Variants in VWC2L observed in about 807,000 individuals in gnomAD.
VWC2L encodes von Willebrand factor C domain containing 2 like, also known as von Willebrand factor C domain-containing protein 2-like.
In VWC2L, 10 loss-of-function variants were observed where a neutral mutation model predicts 21.6. That is an observed-to-expected ratio of 0.46 (90% CI 0.29 to 0.78). The LOEUF (loss-of-function observed/expected upper bound fraction) is 0.78, where lower values mean the gene tolerates loss of function less well. VWC2L is among the 30% of genes least tolerant of loss of function. VWC2L has a pLI of 0.10. For missense variants in VWC2L, 209 were observed against 277.1 expected, an observed-to-expected ratio of 0.75 and a Z score of 1.74; for synonymous variants, 96 against 94.3, an observed-to-expected ratio of 1.02 and a Z score of -0.10.
chr2:214,507,668 C>T (rs1038060876), intron 3 of VWC2L, among the ~76,000 whole-genome samples: 4 of 152,158 alleles, frequency 2.6e-5, no homozygotes, highest in Non-Finnish European at 5.9e-5. Flanking sequence ...CTTAATTAGT[C>T]ATGTGATGTT....
intron 3 of VWC2L, among the ~76,000 whole-genome samples, chr2:214,566,530 A>G (rs959209733): frequency 6.6e-6 from 1 of 152,216 alleles, no homozygotes; most frequent in Non-Finnish European, 1.5e-5. Context: ...CCTTTAAGGC[A>G]GCCTTAGAGA....
intron 3 of VWC2L, among the ~76,000 whole-genome samples, chr2:214,549,319 AT>A (rs1048364315): frequency 2.6e-5 from 4 of 152,214 alleles, no homozygotes; most frequent in Admixed American, 6.5e-5. Flanking sequence ...TTAGGAGGCC[AT>A]TTTTCAGCCT....
chr2:214,555,866 T>C (rs1689865014), intron 3 of VWC2L, among the ~76,000 whole-genome samples: 2 of 152,208 alleles, frequency 1.3e-5, no homozygotes, highest in South Asian at 4.1e-4. Flanking sequence ...ATTCTCATCA[T>C]ATAAAATCTC....
At chr2:214,424,768 C>T (rs2126173633) in intron 2 of VWC2L, among the ~76,000 whole-genome samples, 1 of 152,214 alleles carries the variant, frequency 6.6e-6, no homozygotes, top group Non-Finnish European at 1.5e-5. Context: ...ATTCCTTTGA[C>T]TTTTATGAGC....
intron 3 of VWC2L, among the ~76,000 whole-genome samples, chr2:214,518,664 T>C (rs1414300198): frequency 6.6e-6 from 1 of 152,200 alleles, no homozygotes; most frequent in African/African-American, 2.4e-5. Flanking sequence ...TACCTCACAG[T>C]AGAAAATGAT....
At chr2:214,491,827 T>A (rs1219868569) in intron 3 of VWC2L, among the ~76,000 whole-genome samples, 1 of 152,088 alleles carries the variant, frequency 6.6e-6, no homozygotes, top group Non-Finnish European at 1.5e-5. Context: ...AAAAAAAAAA[T>A]TACTTCTCAA....
chr2:214,445,789 A>G (rs1236361888), intron 3 of VWC2L, among the ~76,000 whole-genome samples: 1 of 152,060 alleles, frequency 6.6e-6, no homozygotes, highest in African/African-American at 2.4e-5. Context: ...TTTATAACCA[A>G]GATGATATAA....
Position 214,561,545 on chromosome 2 carries a change from A to T in VWC2L, c.521-14127A>T, listed in dbSNP as rs541207583. Among the ~76,000 whole-genome samples the T allele has an allele frequency of 5.8e-4, 89 of 152,142 alleles. 2 individuals carry two copies. In the South Asian group the frequency reaches 0.018, roughly 31 times the overall value. On this transcript the variant is annotated intron_variant, in intron 3 of 3. Coordinates refer to ENST00000312504, the MANE Select transcript of VWC2L (RefSeq NM_001080500.4). ...AATTTCAGCACTTTGGGAAGCTGAG[A>T]TGGGCCAATTGCTCGAATCCAGGAG...
At chr2:214,544,652 G>A (rs573576955) in intron 3 of VWC2L, among the ~76,000 whole-genome samples, 8 of 152,100 alleles carry the variant, frequency 5.3e-5, no homozygotes, top group Admixed American at 1.3e-4. Flanking sequence ...GTTTTGAAAT[G>A]AGCCTTGGGA....
chr2:214,521,325 C>T (rs553378844), intron 3 of VWC2L, among the ~76,000 whole-genome samples: 2 of 152,202 alleles, frequency 1.3e-5, no homozygotes, highest in African/African-American at 4.8e-5. Flanking sequence ...CATGCAGCAT[C>T]TCATTTAATC....
intron 3 of VWC2L, among the ~76,000 whole-genome samples, chr2:214,572,327 C>A (rs1362372604): frequency 6.6e-6 from 1 of 152,180 alleles, no homozygotes; most frequent in Non-Finnish European, 1.5e-5. Context: ...CCTCCATCTT[C>A]TCTTTCTAGA....
At chr2:214,530,875 C>T (rs953143912) in intron 3 of VWC2L, among the ~76,000 whole-genome samples, 4 of 152,184 alleles carry the variant, frequency 2.6e-5, no homozygotes, top group African/African-American at 9.7e-5. Context: ...TAAACCATTG[C>T]TTAAACAGCA....
chr2:214,565,910 A>G (rs886140047), intron 3 of VWC2L, among the ~76,000 whole-genome samples: 1 of 152,138 alleles, frequency 6.6e-6, no homozygotes, highest in Non-Finnish European at 1.5e-5. Context: ...AGTAAATGGT[A>G]GGAGTAGAAC....
rs1379073011 is a variant in VWC2L, at chr2:214,495,694, T to C, written c.520+58936T>C. On this transcript the variant is annotated intron_variant, in intron 3 of 3. Coordinates refer to ENST00000312504, the MANE Select transcript of VWC2L (RefSeq NM_001080500.4). ...AACAGAGCTGTTCTATCAAATAAATTATCTCTGTAAAAGTATTTGCTTACC... is the reference window on the plus strand; with the variant it reads ...AACAGAGCTGTTCTATCAAATAAATCATCTCTGTAAAAGTATTTGCTTACC... Among the ~76,000 whole-genome samples the C allele has an allele frequency of 2.0e-5, 3 of 152,228 alleles. No individual in the cohort carries two copies. The East Asian group carries it at 5.8e-4, about 29-fold the overall frequency.
At chr2:214,497,435 T>C (rs997766577) in intron 3 of VWC2L, among the ~76,000 whole-genome samples, 1 of 152,184 alleles carries the variant, frequency 6.6e-6, no homozygotes, top group African/African-American at 2.4e-5. Context: ...CTCCACCCAA[T>C]TTTCGCAACC....
intron 3 of VWC2L, 33 bp downstream of exon 3, chr2:214,436,791 G>A (rs563065725): frequency 2.2e-5 from 35 of 1,610,134 alleles, no homozygotes; most frequent in Non-Finnish European, 3.0e-5. Flanking sequence ...TTTGAAGAGG[G>A]GTTCGCACAA....
At chr2:214,437,921 T>C (rs2126179209) in intron 3 of VWC2L, among the ~76,000 whole-genome samples, 1 of 152,250 alleles carries the variant, frequency 6.6e-6, no homozygotes, top group East Asian at 1.9e-4. Context: ...TTTCTGATCA[T>C]ATAAATCGAT....
chr2:214,468,025 C>CTT (rs945624825), intron 3 of VWC2L, among the ~76,000 whole-genome samples: 1 of 148,188 alleles, frequency 6.7e-6, no homozygotes, highest in African/African-American at 2.5e-5. Flanking sequence ...GGTTTTACGT[C>CTT]TTTTTTTTTT....
chr2:214,440,832 ACAT>A (rs1359452373), intron 3 of VWC2L, among the ~76,000 whole-genome samples: 1 of 152,166 alleles, frequency 6.6e-6, no homozygotes, highest in Admixed American at 6.5e-5. Flanking sequence ...AGTTATCAAA[ACAT>A]TTGATCATTG....
Sources: gnomAD v4.1 joint callset for allele counts (sites outside exome capture counted in the v4.1 genomes callset) on GRCh38, gnomAD v4.1.1 for gene constraint, MANE v1.5 for transcripts, NCBI Gene and HGNC (gene_info 2026-07-23, HGNC 2026-07-21) for gene names.